The following JAK3 variants were observed in gnomAD, a reference collection of about 807,000 sequenced individuals.
JAK3 encodes the protein Janus kinase 3.
Under a neutral mutation model 120.8 loss-of-function variants are expected in JAK3, and 88 were observed. The observed-to-expected ratio is 0.73, with a 90% CI of 0.61 to 0.87. The LOEUF (loss-of-function observed/expected upper bound fraction) is 0.87, where lower values mean the gene tolerates loss of function less well. JAK3 is among the 40% of genes least tolerant of loss of function. The pLI is 0.00. For synonymous variants in JAK3, 592 were observed against 628.6 expected (o/e 0.94, Z 0.87); for missense variants, 1,254 against 1,501.4 (o/e 0.84, Z 2.72).
rs1396472179 is a variant in JAK3 at position 17,842,491 on chromosome 19, G to A, written c.686C>T (p.Ala229Val). Residue 229 changes from alanine to valine, a missense_variant, in exon 6 of 24, where the codon GCA becomes GTA. By Grantham distance (64) the Ala-to-Val change is moderately conservative. Around this residue, in one of 3 missense-constraint regions of JAK3, gnomAD observed 486 missense variants for 503.0 expected, o/e 0.97. Coordinates refer to ENST00000458235, the MANE Select transcript of JAK3 (RefSeq NM_000215.4). This position sits in a 1 kb window ranked among gnomAD's most constrained non-coding sequence, Gnocchi z 6.4. ...CTTGGCCATGAGCGAGTGCCGGTCT[G>A]CCTGGCAGGCGGCCACGCGGCGCAG... Reference protein sequence around the residue: ...RALRRVAACQADRHSLMAKYI... With the variant: ...RALRRVAACQVDRHSLMAKYI... 4.4e-6 allele frequency: 7 copies of A among 1,599,502 alleles called. No individual in the cohort carries two copies. Among genetic ancestry groups the A allele is most frequent in the African/African-American group, 1.3e-5 (1 of 74,716 alleles).
At position 17,844,227 on chromosome 19, in the gene JAK3, C is replaced by G; in HGVS notation, c.184+7G>C. The G allele has an allele frequency of 6.3e-7, 1 of 1,583,208 alleles. No homozygotes were observed. Among genetic ancestry groups the G allele is most frequent in the Non-Finnish European group, 8.6e-7 (1 of 1,166,076 alleles). On this transcript the variant is annotated splice_region_variant and intron_variant, in intron 2 of 23. Transcript: ENST00000458235. ...CCTCTGGCCCGATCCACTAGGGATG[C>G]ACTCACCGCTGGCCTTGGCAGCCTG... is the stretch of plus-strand genomic sequence containing the variant.
At chr19:17,846,667 C>T (rs961461994) in intron 1 of JAK3, among the ~76,000 whole-genome samples, 2 of 152,192 alleles carry the variant, frequency 1.3e-5, no homozygotes, top group African/African-American at 4.8e-5. Flanking sequence ...TCACTGTAGC[C>T]TCTGCCTCCT....
At position 17,831,457 on chromosome 19, in the gene JAK3, C is replaced by T. The variant is rs2094214391; in HGVS notation, c.2806-57G>A. ...GATCCCAGGATAATCCGGCAGGTAC[C>T]CCAAGCGTGACCTGGCACCCCAACC... On this transcript the variant is annotated intron_variant, in intron 20 of 23. Coordinates refer to ENST00000458235, the MANE Select transcript of JAK3 (RefSeq NM_000215.4). This position sits in a 1 kb window ranked among gnomAD's most constrained non-coding sequence, Gnocchi z 5.1. 1 of 1,593,852 alleles carries T rather than the reference C, an allele frequency of 6.3e-7. No homozygotes were observed. Among genetic ancestry groups the T allele is most frequent in the African/African-American group, 1.3e-5 (1 of 74,702 alleles).
chr19:17,827,099 C>A (rs964285253), intron 23 of JAK3, among the ~76,000 whole-genome samples, 189 bp from the exon 24 acceptor site: 5 of 152,006 alleles, frequency 3.3e-5, no homozygotes, highest in African/African-American at 1.2e-4. Context: ...CCTGCCTCAG[C>A]CTCCTGAGTA....
Position 17,831,715 on chromosome 19 carries a change from C to G in JAK3, c.2764G>C (p.Asp922His), listed in dbSNP as rs763951351. 1 of 1,611,220 alleles carries G rather than the reference C, an allele frequency of 6.2e-7. No individual in the cohort carries two copies. The highest frequency in any genetic ancestry group is 8.5e-7 in the Non-Finnish European group (1 of 1,179,294). Residue 922 changes from aspartate (D) to histidine (H), a missense_variant, in exon 20 of 24, where the codon GAT (aspartate) becomes CAT (histidine). Asp to His is a moderately conservative substitution (Grantham distance 81, BLOSUM62 -1). Around this residue, in one of 3 missense-constraint regions of JAK3, gnomAD observed 630 missense variants for 819.8 expected, o/e 0.77. Coordinates refer to ENST00000458235, the MANE Select transcript of JAK3 (RefSeq NM_000215.4). The surrounding 1 kb of genome is among the most constrained non-coding windows in gnomAD (Gnocchi z 5.1). Reference sequence around the variant, plus strand: ...GAATAGAGAAGGAGGCGGCTGGCATCGAGGCGCGCGCGGTGCCGCTGCAGG... The same window carrying G: ...GAATAGAGAAGGAGGCGGCTGGCATGGAGGCGCGCGCGGTGCCGCTGCAGG... ...DFLQRHRARL[D>H]ASRLLLYSSQ...
chr19:17,844,932 T>G (rs2094248842), intron 1 of JAK3, among the ~76,000 whole-genome samples: 1 of 151,244 alleles, frequency 6.6e-6, no homozygotes, highest in Admixed American at 6.6e-5. Context: ...CTGAGAAACC[T>G]CAGCACTCAG....
In JAK3 at chr19:17,834,730, G is replaced by A. The variant is rs2147681926; in HGVS notation, c.2200-9C>T. ...TCATAAAATTGGAGTTTCTGAGGGT[G>A]AGAGGAGCAGTCGGTAATCCCCAAC... On this transcript the variant is annotated splice_polypyrimidine_tract_variant and intron_variant, in intron 16 of 23. Coordinates refer to ENST00000458235, the MANE Select transcript of JAK3 (RefSeq NM_000215.4). 9.9e-6 allele frequency: 16 copies of A among 1,614,138 alleles called. No individual in the cohort carries two copies. The highest frequency in any genetic ancestry group is 1.4e-5 in the Non-Finnish European group (16 of 1,180,002).
chr19:17,842,484 C>T lies in JAK3; in HGVS notation c.693G>A (p.Arg231=), dbSNP rs2147697653. 6.3e-7 allele frequency: 1 copy of T among 1,599,822 alleles called. No homozygotes were observed. The highest frequency in any genetic ancestry group is 1.1e-5 in the South Asian group (1 of 89,180). ...LRRVAACQAD[R]HSLMAKYIMD... is the part of the protein sequence containing the mutation. ...TGATGTACTTGGCCATGAGCGAGTG[C>T]CGGTCTGCCTGGCAGGCGGCCACGC... The change falls in exon 6 of 24, where the codon CGG becomes CGA. Residue 231 remains arginine (R), a synonymous_variant. Transcript: ENST00000458235. The surrounding 1 kb of genome is among the most constrained non-coding windows in gnomAD (Gnocchi z 6.4).
At position 17,844,215 on chromosome 19, in the gene JAK3, C is replaced by G; in HGVS notation, c.184+19G>C. 4 of 1,571,462 alleles carry G rather than the reference C, an allele frequency of 2.5e-6. No individual in the cohort carries two copies. Among genetic ancestry groups the G allele is most frequent in the Non-Finnish European group, 3.4e-6 (4 of 1,159,442 alleles). ...GCCCCATCCTTCCCTCTGGCCCGAT[C>G]CACTAGGGATGCACTCACCGCTGGC... On this transcript the variant is annotated intron_variant, in intron 2 of 23. Transcript: ENST00000458235.
chr19:17,847,772 G>A (rs966450423), intron 1 of JAK3, among the ~76,000 whole-genome samples, 174 bp downstream of exon 1: 1 of 152,184 alleles, frequency 6.6e-6, no homozygotes, highest in East Asian at 1.9e-4. Context: ...CCAGAGAAGC[G>A]AGCGATCGGA....
At chr19:17,828,868 G>T (rs2094208748) in intron 23 of JAK3, among the ~76,000 whole-genome samples, 1 of 152,150 alleles carries the variant, frequency 6.6e-6, no homozygotes, top group Admixed American at 6.6e-5. Context: ...TATAAACCAT[G>T]AGAGGGTGGG....
rs2147689069 is a variant in JAK3, at chr19:17,838,378, A to G, written c.1454T>C (p.Leu485Pro). ...CIPRPKEKSN[L>P]IVVQRGHSPP... Reference sequence around the variant, plus strand: ...GCTGTGACCTCTCTGGACCACGATCAGGTTGGACTTTTCTATGGGGAGAGG... The same window carrying G: ...GCTGTGACCTCTCTGGACCACGATCGGGTTGGACTTTTCTATGGGGAGAGG... Residue 485 changes from leucine to proline, a missense_variant, in exon 11 of 24, where the codon CTG becomes CCG. By Grantham distance (98) the Leu-to-Pro change is moderately conservative (BLOSUM62 -3). Transcript: ENST00000458235. The G allele has an allele frequency of 1.2e-6, 2 of 1,614,164 alleles. No individual in the cohort carries two copies. The highest frequency in any genetic ancestry group is 1.7e-6 in the Non-Finnish European group (2 of 1,180,024).
Position 17,841,210 on chromosome 19 carries a change from T to C in JAK3, c.1142+179A>G, listed in dbSNP as rs2094237672. ...CTGGGGTCAGAGAGAGAGAGAGTAG[T>C]GGTCGCCCTGTGAAGCAGAAGGAAT... On this transcript the variant is annotated intron_variant, in intron 8 of 23. Coordinates refer to ENST00000458235, the MANE Select transcript of JAK3 (RefSeq NM_000215.4). This position sits in a 1 kb window ranked among gnomAD's most constrained non-coding sequence, Gnocchi z 4.1. Among the ~76,000 whole-genome samples the C allele has an allele frequency of 6.6e-6, 1 of 152,112 alleles. No homozygotes were observed. Among genetic ancestry groups the C allele is most frequent in the Non-Finnish European group, 1.5e-5 (1 of 68,006 alleles).
chr19:17,830,506 C>G lies in JAK3; in HGVS notation c.3093G>C (p.Ser1031=). 6.2e-7 allele frequency: 1 copy of G among 1,612,236 alleles called. No individual in the cohort carries two copies. The highest frequency in any genetic ancestry group is 8.5e-7 in the Non-Finnish European group (1 of 1,178,954). ...GGGCTCTGGGAAGCCGACTCACGGC[C>G]GAGGGGCTGCAGCTTTTGTCGCAGT... is the stretch of plus-strand genomic sequence containing the variant. ...FTYCDKSCSP[S]AEFLRMMGCE... The change falls in exon 22 of 24, where the codon TCG becomes TCC. Residue 1031 remains serine (S), a synonymous_variant. Coordinates refer to ENST00000458235, the MANE Select transcript of JAK3 (RefSeq NM_000215.4).
chr19:17,837,989 G>A lies in JAK3; in HGVS notation c.1644C>T (p.Ala548=), dbSNP rs764363104. The stretch of plus-strand genomic sequence containing the variant: ...CCTTCAGCAGCACCTCTGTCTTTCG[G>A]GCCTCCCCATCCACCACCTCATGGC... ...GCRHEVVDGE[A]RKTEVLLKVM... Residue 548 remains alanine, a synonymous_variant, in exon 12 of 24, where the codon GCC becomes GCT. Coordinates refer to ENST00000458235, the MANE Select transcript of JAK3 (RefSeq NM_000215.4). 23 of 1,613,952 alleles carry A rather than the reference G, an allele frequency of 1.4e-5. No individual in the cohort carries two copies. In the Admixed American group the frequency reaches 2.7e-4, roughly 19 times the overall value.
rs977080720 is a variant in JAK3 at position 17,830,552 on chromosome 19, A to G, written c.3047T>C (p.Val1016Ala). ...RQSDVWSFGVVLYELFTYCDK... is the reference protein window; with the variant it reads ...RQSDVWSFGVALYELFTYCDK... ...GCAGTAGGTGAAGAGCTCGTACAGG[A>G]CGACCCCGAAGCTCCAGACGTCTGA... The change falls in exon 22 of 24, where the codon GTC becomes GCC. Residue 1016 changes from valine to alanine, a missense_variant. Physicochemically the swap from Val to Ala is moderately conservative, Grantham distance 64 (BLOSUM62 0). Around this residue, in one of 3 missense-constraint regions of JAK3, gnomAD observed 630 missense variants for 819.8 expected, o/e 0.77. Coordinates refer to ENST00000458235, the MANE Select transcript of JAK3 (RefSeq NM_000215.4). 6.2e-7 allele frequency: 1 copy of G among 1,613,596 alleles called. No individual in the cohort carries two copies. Among genetic ancestry groups the G allele is most frequent in the Non-Finnish European group, 8.5e-7 (1 of 1,179,844 alleles).
In JAK3 at chr19:17,831,662, G is replaced by A. The variant is rs2094214725; in HGVS notation, c.2805+12C>T. On this transcript the variant is annotated intron_variant, in intron 20 of 23. Transcript: ENST00000458235. The surrounding 1 kb of genome is among the most constrained non-coding windows in gnomAD (Gnocchi z 5.1). ...GCTGAATCCCCACAAGTCCCGGGGCGCCCCCTCGCACCTTGCAGATCTGCG... is the reference window on the plus strand; with the variant it reads ...GCTGAATCCCCACAAGTCCCGGGGCACCCCCTCGCACCTTGCAGATCTGCG... The A allele has an allele frequency of 1.2e-6, 2 of 1,602,836 alleles. No individual in the cohort carries two copies. The highest frequency in any genetic ancestry group is 1.1e-5 in the South Asian group (1 of 89,838).
In JAK3 at chr19:17,844,338, T is replaced by C. The variant is rs1321875586; in HGVS notation, c.80A>G (p.His27Arg). ...GGGGCCCCGAGCGGGCAGCAGCACA[T>C]GCAGGGCACCAGCCTCCGTGGACAA... ...SLLSTEAGAL[H>R]VLLPARGPGP... The change falls in exon 2 of 24, where the codon CAT becomes CGT. Residue 27 changes from histidine to arginine, a missense_variant. His to Arg is a conservative substitution (Grantham distance 29, BLOSUM62 0). This residue lies in a region of JAK3 where 138 missense variants were observed against 178.7 expected (regional missense o/e 0.77). Coordinates refer to ENST00000458235, the MANE Select transcript of JAK3 (RefSeq NM_000215.4). 3 of 1,611,532 alleles carry C rather than the reference T, an allele frequency of 1.9e-6. No homozygotes were observed. The highest frequency in any genetic ancestry group is 1.7e-6 in the Non-Finnish European group (2 of 1,179,584).
At chr19:17,844,099 A>G in intron 2 of JAK3, 135 bp downstream of exon 2, 2 of 1,183,478 alleles carry the variant, frequency 1.7e-6, no homozygotes, top group Non-Finnish European at 2.4e-6. Flanking sequence ...ACCCTTCTCC[A>G]TTACAAAACT....
Sources: allele counts gnomAD v4.1 joint callset (sites outside exome capture counted in the v4.1 genomes callset), GRCh38; gene constraint gnomAD v4.1.1; regional missense constraint gnomAD v4.1.1; non-coding constraint Gnocchi (gnomAD v3.1); transcripts MANE v1.5; gene names NCBI Gene and HGNC (gene_info 2026-07-23, HGNC 2026-07-21).